The following KLHL3 variants were observed in gnomAD, a reference collection of about 807,000 sequenced individuals.
KLHL3 encodes the protein kelch like family member 3.
KLHL3 carries 19 observed loss-of-function variants against 70.5 expected under a neutral mutation model. The observed-to-expected ratio is 0.27, with a 90% CI of 0.19 to 0.40. The LOEUF (loss-of-function observed/expected upper bound fraction) is 0.40. Ranked by LOEUF, KLHL3 falls within the 10% of genes least tolerant of loss-of-function variation. KLHL3 has a pLI of 1.00. For synonymous variants in KLHL3, 258 were observed against 290.3 expected (o/e 0.89, Z 1.13); for missense variants, 512 against 771.1 (o/e 0.66, Z 3.98).
At chr5:137,734,004 G>A (rs1753221338) in intron 1 of KLHL3, among the ~76,000 whole-genome samples, 2 of 152,192 alleles carry the variant, frequency 1.3e-5, no homozygotes, top group African/African-American at 4.8e-5. Context: ...GCAACCTGGT[G>A]TTCTAAAGCC....
At chr5:137,663,681 C>T (rs1047392938) in intron 6 of KLHL3, among the ~76,000 whole-genome samples, 12 of 151,968 alleles carry the variant, frequency 7.9e-5, no homozygotes, top group African/African-American at 2.7e-4. Context: ...TTTTTTTCTT[C>T]TGAATATTTC....
chr5:137,645,199 C>G (rs976035222), intron 8 of KLHL3, among the ~76,000 whole-genome samples: 3 of 152,102 alleles, frequency 2.0e-5, no homozygotes, highest in Non-Finnish European at 4.4e-5. Flanking sequence ...AAACCCGCAG[C>G]TAACATCATA....
chr5:137,702,797 G>A (rs1286716895), intron 3 of KLHL3, among the ~76,000 whole-genome samples: 5 of 152,148 alleles, frequency 3.3e-5, no homozygotes, highest in Admixed American at 1.3e-4. Flanking sequence ...GACCATTAGG[G>A]CCTTGCACTT....
At chr5:137,678,270 C>T (rs1751935869) in intron 5 of KLHL3, among the ~76,000 whole-genome samples, 2 of 152,064 alleles carry the variant, frequency 1.3e-5, no homozygotes, top group Non-Finnish European at 2.9e-5. Context: ...TCCACAGAGC[C>T]AGGCCTATGG....
intron 1 of KLHL3, among the ~76,000 whole-genome samples, chr5:137,727,667 A>T (rs1368449030): frequency 1.3e-5 from 2 of 152,108 alleles, no homozygotes; most frequent in Non-Finnish European, 2.9e-5. Flanking sequence ...ACCAGCCTTC[A>T]AGCCTCTTCC....
chr5:137,714,256 G>T (rs1752852783), intron 2 of KLHL3, among the ~76,000 whole-genome samples: 1 of 152,130 alleles, frequency 6.6e-6, no homozygotes, highest in Admixed American at 6.5e-5. Context: ...AATGGTGGCA[G>T]CTGCTCTGAA....
chr5:137,618,691 A>G lies in KLHL3; in HGVS notation c.*3407T>C, dbSNP rs975293519. ...AGGCTTCTCCATGCCACAGGGTACCAGGCTCAGTGCCCGTCAGTGGGAGCC... is the reference window on the plus strand; with the variant it reads ...AGGCTTCTCCATGCCACAGGGTACCGGGCTCAGTGCCCGTCAGTGGGAGCC... On this transcript the variant is annotated 3_prime_UTR_variant, in exon 15 of 15. Coordinates refer to ENST00000309755, the MANE Select transcript of KLHL3 (RefSeq NM_017415.3). 1.3e-5 allele frequency: 2 copies of G among 151,802 alleles called. No individual in the cohort carries two copies. Among genetic ancestry groups the G allele is most frequent in the Admixed American group, 1.3e-4 (2 of 15,226 alleles). The allele number at this position is 151,802 out of a possible 1,614,324, so 9.4% of individuals were successfully genotyped here.
At chr5:137,691,911 C>T (rs756789694) in intron 5 of KLHL3, among the ~76,000 whole-genome samples, 28 of 152,170 alleles carry the variant, frequency 1.8e-4, no homozygotes, top group Non-Finnish European at 3.7e-4. Flanking sequence ...AGCCACTGCG[C>T]CCAGCCAGTA....
At chr5:137,678,918 T>G (rs968398037) in intron 5 of KLHL3, among the ~76,000 whole-genome samples, 6 of 151,896 alleles carry the variant, frequency 4.0e-5, no homozygotes, top group African/African-American at 1.4e-4. Flanking sequence ...TATTTACACA[T>G]AACAAGACAA....
At chr5:137,622,553 C>T (rs561481984) in intron 14 of KLHL3, among the ~76,000 whole-genome samples, 7 of 152,242 alleles carry the variant, frequency 4.6e-5, no homozygotes, top group Non-Finnish European at 8.8e-5. Flanking sequence ...GTACAGCAGG[C>T]TGCCTTCATG....
At chr5:137,686,792 T>C (rs1180638003) in intron 5 of KLHL3, among the ~76,000 whole-genome samples, 1 of 152,254 alleles carries the variant, frequency 6.6e-6, no homozygotes, top group Non-Finnish European at 1.5e-5. Context: ...ACTTCTCCTC[T>C]AAATACTGCA....
rs149901164 is a variant in KLHL3, at chr5:137,667,504, C to T, written c.637-5473G>A. Among the ~76,000 whole-genome samples the T allele has an allele frequency of 6.4e-3, 975 of 152,288 alleles. 10 individuals carry two copies. The highest frequency in any genetic ancestry group is 0.02 in the Middle Eastern group (6 of 294). On this transcript the variant is annotated intron_variant, in intron 6 of 14. Transcript: ENST00000309755. The stretch of plus-strand genomic sequence containing the variant: ...GGAGAAAATCAGATTCCATAGCTCC[C>T]AGCTCACCACACTTCAGATGTAAGC...
chr5:137,726,723 C>A (rs952216067), intron 1 of KLHL3, among the ~76,000 whole-genome samples: 3 of 152,066 alleles, frequency 2.0e-5, no homozygotes, highest in Non-Finnish European at 4.4e-5. Flanking sequence ...GCTTAGCCTG[C>A]CCAGCATGAG....
chr5:137,690,070 G>A (rs945261821), intron 5 of KLHL3, among the ~76,000 whole-genome samples: 1 of 152,258 alleles, frequency 6.6e-6, no homozygotes, highest in African/African-American at 2.4e-5. Context: ...GCTTACGCCT[G>A]TAATCCCAGC....
rs527905183 is a variant in KLHL3, at chr5:137,706,420, T to G, written c.241+3330A>C. The G allele has an allele frequency of 1.5e-5, 15 of 977,498 alleles. No individual in the cohort carries two copies. The South Asian group carries it at 6.6e-4, about 43-fold the overall frequency. The allele number at this position is 977,498 out of a possible 1,614,324, so 60.6% of individuals were successfully genotyped here. On this transcript the variant is annotated intron_variant, in intron 3 of 14. Transcript: ENST00000309755. ...AGGTTTAGGCAAAGCCAATGGGCCT[T>G]AAAAATATATAAATCTTAGATATCT...
rs1753250359 is a variant in KLHL3, at chr5:137,735,701, C to G, written c.-55G>C. The stretch of plus-strand genomic sequence containing the variant: ...CTGAACTGTGTATGCACTCGGGGAT[C>G]CTAGTTCTGTTCTTGATTCTCCCAG... On this transcript the variant is annotated 5_prime_UTR_variant, in exon 1 of 15. Transcript: ENST00000309755. 6.2e-7 allele frequency: 1 copy of G among 1,613,840 alleles called. No individual in the cohort carries two copies. Among genetic ancestry groups the G allele is most frequent in the African/African-American group, 1.3e-5 (1 of 74,930 alleles).
At chr5:137,701,428 C>T (rs988498848) in intron 3 of KLHL3, among the ~76,000 whole-genome samples, 1 of 152,050 alleles carries the variant, frequency 6.6e-6, no homozygotes, top group Non-Finnish European at 1.5e-5. Context: ...AACTCTAGAC[C>T]CTGTGTCATT....
intron 5 of KLHL3, among the ~76,000 whole-genome samples, chr5:137,683,601 T>C (rs1752087227): frequency 6.6e-6 from 1 of 152,148 alleles, no homozygotes; most frequent in African/African-American, 2.4e-5. Context: ...CCTTGACCTC[T>C]TCTCAGAAGG....
chr5:137,719,649 C>G (rs1752959797), intron 2 of KLHL3, among the ~76,000 whole-genome samples: 2 of 152,228 alleles, frequency 1.3e-5, no homozygotes, highest in South Asian at 4.1e-4. Flanking sequence ...TCACTATTAG[C>G]TCAGAGAGGA....
Sources: gnomAD v4.1 joint callset for allele counts (sites outside exome capture counted in the v4.1 genomes callset) on GRCh38, gnomAD v4.1.1 for gene constraint, MANE v1.5 for transcripts, NCBI Gene and HGNC (gene_info 2026-07-23, HGNC 2026-07-21) for gene names.